Variants in TMEM217 observed in about 807,000 individuals in gnomAD.
TMEM217 encodes transmembrane protein 217.
For missense variants in TMEM217, 204 were observed against 248.8 expected (o/e 0.82, Z 1.21); for synonymous variants, 76 against 88.3 (o/e 0.86, Z 0.78).
chr6:37,235,401 T>C (rs1388703951), intron 1 of TMEM217, among the ~76,000 whole-genome samples: 2 of 152,182 alleles, frequency 1.3e-5, no homozygotes, highest in African/African-American at 4.8e-5. Flanking sequence ...AGTCTTGCTC[T>C]GTCGCCCAGG....
At chr6:37,214,377 G>A (rs565612407), downstream of TMEM217, among the ~76,000 whole-genome samples, 9 of 152,158 alleles carry the variant, frequency 5.9e-5, no homozygotes, top group South Asian at 2.1e-4. Context: ...ACAAGCGTGC[G>A]CCAGCATGCC....
At chr6:37,246,167 C>G (rs550525288) in intron 1 of TMEM217, among the ~76,000 whole-genome samples, 10 of 152,270 alleles carry the variant, frequency 6.6e-5, no homozygotes, top group Admixed American at 2.0e-4. Context: ...CTTTTCTCTT[C>G]TACTTCTCCT....
intron 1 of TMEM217, among the ~76,000 whole-genome samples, chr6:37,228,996 C>CA (rs1227077967): frequency 0.01 from 1,390 of 134,920 alleles, 18 homozygotes; most frequent in African/African-American, 0.019. Flanking sequence ...GACTCCGTCT[C>CA]AAAAAAAAAA....
Position 37,252,635 on chromosome 6 carries a change from A to ATT in TMEM217, c.-12+4932_-12+4933insAA, listed in dbSNP as rs1489045294. Reference sequence around the variant, plus strand: ...TGTGTGTGTATATATATATATATATATATTTTTTTTTTTTTTTTTTTTTTG... The same window carrying ATT: ...TGTGTGTGTATATATATATATATATATTTATTTTTTTTTTTTTTTTTTTTTTG... On this transcript the variant is annotated intron_variant, in intron 1 of 1. Transcript: ENST00000357219. 9.0e-3 allele frequency among the ~76,000 whole-genome samples: 545 copies of ATT among 60,304 alleles called. 11 individuals carry two copies. Among genetic ancestry groups the ATT allele is most frequent in the African/African-American group, 0.03 (501 of 16,764 alleles). 39.6% of individuals were successfully genotyped at this position (60,304 alleles called of 152,430 possible).
intron 1 of TMEM217, among the ~76,000 whole-genome samples, chr6:37,241,254 T>C (rs1450995156): frequency 6.6e-6 from 1 of 151,970 alleles, no homozygotes; most frequent in East Asian, 1.9e-4. Flanking sequence ...GTTAATTTTT[T>C]TTTTTTAGAA....
intron 1 of TMEM217, among the ~76,000 whole-genome samples, chr6:37,227,594 A>C (rs955997594): frequency 1.3e-5 from 2 of 151,840 alleles, no homozygotes; most frequent in African/African-American, 2.4e-5. Context: ...CTACAGGCGC[A>C]CACCACCATG....
intron 1 of TMEM217, among the ~76,000 whole-genome samples, chr6:37,252,310 G>C (rs957561643): frequency 1.3e-5 from 2 of 152,006 alleles, no homozygotes; most frequent in Non-Finnish European, 2.9e-5. Flanking sequence ...ACACAGCCCC[G>C]AGAGCTTATT....
intron 1 of TMEM217, among the ~76,000 whole-genome samples, chr6:37,233,926 T>C (rs1435787478): frequency 1.3e-5 from 2 of 152,188 alleles, no homozygotes; most frequent in Admixed American, 6.5e-5. Context: ...GATTTTCACT[T>C]TCAGTATAGT....
chr6:37,214,947 C>A (rs6912670), downstream of TMEM217, among the ~76,000 whole-genome samples: 27,484 of 152,080 alleles, frequency 0.18, 2,603 homozygotes, highest in Non-Finnish European at 0.2. Flanking sequence ...GCAGCCACTA[C>A]CCATGGGGTA....
intron 1 of TMEM217, among the ~76,000 whole-genome samples, chr6:37,256,548 G>A (rs1765746066): frequency 6.6e-6 from 1 of 152,198 alleles, no homozygotes; most frequent in East Asian, 1.9e-4. Flanking sequence ...AAGACTCAGA[G>A]GAAGTAAAAA....
chr6:37,213,789 T>C (rs1763036310), downstream of TMEM217, among the ~76,000 whole-genome samples: 1 of 152,182 alleles, frequency 6.6e-6, no homozygotes, highest in Admixed American at 6.5e-5. Context: ...CAAACGTTCC[T>C]CCACAACCTG....
exon 4 of TMEM217, chr6:37,212,452 G>C: frequency 4.5e-6 from 2 of 442,122 alleles, no homozygotes; most frequent in Non-Finnish European, 9.1e-6. Context: ...CAGACGGACA[G>C]GTAGTCATGA....
At chr6:37,252,880 T>TCC (rs1252254776) in intron 1 of TMEM217, among the ~76,000 whole-genome samples, 1 of 151,918 alleles carries the variant, frequency 6.6e-6, no homozygotes, top group Non-Finnish European at 1.5e-5. Context: ...GCTCAAGTGA[T>TCC]CCACCTGCCT....
At chr6:37,229,987 C>T (rs766668298) in intron 1 of TMEM217, among the ~76,000 whole-genome samples, 2 of 152,204 alleles carry the variant, frequency 1.3e-5, no homozygotes, top group African/African-American at 2.4e-5. Flanking sequence ...CCCTTCTAGC[C>T]TCCTTCAGTT....
intron 1 of TMEM217, among the ~76,000 whole-genome samples, chr6:37,225,380 A>C (rs1284985106): frequency 6.6e-6 from 1 of 152,186 alleles, no homozygotes; most frequent in Non-Finnish European, 1.5e-5. Flanking sequence ...GTTTAAAAAA[A>C]ACAAGCTAGT....
intron 1 of TMEM217, among the ~76,000 whole-genome samples, chr6:37,254,703 C>T (rs531415179): frequency 1.8e-4 from 27 of 152,280 alleles, no homozygotes; most frequent in African/African-American, 5.5e-4. Flanking sequence ...ATTTACTAAG[C>T]ACTCACTATG....
At chr6:37,255,683 CAAAA>C (rs56891432) in intron 1 of TMEM217, among the ~76,000 whole-genome samples, 1 of 102,448 alleles carries the variant, frequency 9.8e-6, no homozygotes, top group Non-Finnish European at 2.1e-5. Context: ...GACCTGGTCT[CAAAA>C]AAAAAAAAAA....
chr6:37,237,975 A>G (rs1037264262), intron 1 of TMEM217, among the ~76,000 whole-genome samples: 1 of 152,202 alleles, frequency 6.6e-6, no homozygotes, highest in African/African-American at 2.4e-5. Context: ...CCATACAGCC[A>G]GATGCAAATT....
At chr6:37,223,729 A>G (rs992752983) in intron 1 of TMEM217, among the ~76,000 whole-genome samples, 6 of 152,042 alleles carry the variant, frequency 3.9e-5, no homozygotes, top group African/African-American at 1.4e-4. Context: ...GGCTGCTCTC[A>G]AACTCCTGAC....
Sources: gnomAD v4.1 joint callset for allele counts (sites outside exome capture counted in the v4.1 genomes callset) on GRCh38, gnomAD v4.1.1 for gene constraint, MANE v1.5 for transcripts, NCBI Gene and HGNC (gene_info 2026-07-23, HGNC 2026-07-21) for gene names.